EXOC2: variants seen among roughly 807,000 people sequenced by gnomAD.
The protein encoded by EXOC2 is SEC5-like 1.
EXOC2 carries 70 observed loss-of-function variants against 131.8 expected under a neutral mutation model. The observed-to-expected ratio is 0.53, with a 90% CI of 0.44 to 0.65. The LOEUF (loss-of-function observed/expected upper bound fraction) is 0.65. Among genes scored for constraint, EXOC2 ranks in the 30% least tolerant of loss-of-function variants. EXOC2 has a pLI of 0.00. For synonymous variants in EXOC2, 411 were observed against 398.4 expected, an observed-to-expected ratio of 1.03 and a Z score of -0.38; for missense variants, 923 against 1,108.6, an observed-to-expected ratio of 0.83 and a Z score of 2.38.
chr6:630,021 T>A (rs1164674271), intron 3 of EXOC2, 60 bp from the exon 4 acceptor site: 1 of 1,587,234 alleles, frequency 6.3e-7, no homozygotes, highest in African/African-American at 1.4e-5. Flanking sequence ...ACCTTCTACG[T>A]CTGGCCTATT....
At chr6:682,369 T>C (rs980872568) in intron 1 of EXOC2, among the ~76,000 whole-genome samples, 1 of 151,942 alleles carries the variant, frequency 6.6e-6, no homozygotes, top group African/African-American at 2.4e-5. Flanking sequence ...CCGGCTAATT[T>C]TTTTGTATTT....
intron 10 of EXOC2, among the ~76,000 whole-genome samples, chr6:597,809 A>C (rs1313933401): frequency 6.6e-6 from 1 of 152,228 alleles, no homozygotes; most frequent in African/African-American, 2.4e-5. Flanking sequence ...TTTCTCAAAA[A>C]GTGAGTAACT....
intron 22 of EXOC2, among the ~76,000 whole-genome samples, chr6:538,062 T>TA (rs751056312): frequency 2.0e-3 from 310 of 152,128 alleles, no homozygotes; most frequent in Non-Finnish European, 3.5e-3. Context: ...ACCTCATTTT[T>TA]TAAAAAAAGA....
intron 1 of EXOC2, among the ~76,000 whole-genome samples, chr6:668,155 C>T (rs1028190341): frequency 2.0e-5 from 3 of 148,870 alleles, no homozygotes; most frequent in African/African-American, 5.0e-5. Context: ...ATTTGTCTTG[C>T]TCCGTGTTCT....
intron 23 of EXOC2, among the ~76,000 whole-genome samples, chr6:522,566 T>G (rs545132344): frequency 7.4e-6 from 1 of 134,674 alleles, no homozygotes; most frequent in African/African-American, 2.9e-5. Context: ...CAGGCCCACG[T>G]GGACGACATG....
At chr6:555,088 A>T (rs1478788631) in intron 20 of EXOC2, 139 bp downstream of exon 20, 3 of 423,942 alleles carry the variant, frequency 7.1e-6, no homozygotes, top group East Asian at 3.7e-5. Context: ...GGTCGAATAT[A>T]AAAAAAAACT....
chr6:634,671 C>T (rs1181807856), intron 2 of EXOC2, among the ~76,000 whole-genome samples: 1 of 152,174 alleles, frequency 6.6e-6, no homozygotes, highest in African/African-American at 2.4e-5. Flanking sequence ...CTATAATTCA[C>T]TAATGTCTGC....
At chr6:610,307 A>T (rs2127663206) in intron 6 of EXOC2, 129 bp from the exon 7 acceptor site, 1 of 764,418 alleles carries the variant, frequency 1.3e-6, no homozygotes, top group Non-Finnish European at 2.2e-6. Flanking sequence ...CAGCAAAAAC[A>T]TGCTACCCTG....
chr6:654,008 C>T lies in EXOC2; in HGVS notation c.-43-16147G>A, dbSNP rs189672996. Reference sequence around the variant, plus strand: ...GAACAACAGAGCCTACATGACAGCACATCTGTTTACAGCATCTGGTTTAGT... The same window carrying T: ...GAACAACAGAGCCTACATGACAGCATATCTGTTTACAGCATCTGGTTTAGT... On this transcript the variant is annotated intron_variant, in intron 1 of 27. Transcript: ENST00000230449. Among the ~76,000 whole-genome samples the T allele has an allele frequency of 1.6e-4, 24 of 152,350 alleles. No homozygotes were observed. The East Asian group carries it at 4.2e-3, about 27-fold the overall frequency.
chr6:661,236 A>G (rs1763411842), intron 1 of EXOC2, among the ~76,000 whole-genome samples: 1 of 152,224 alleles, frequency 6.6e-6, no homozygotes, highest in African/African-American at 2.4e-5. Context: ...AATCATGGAA[A>G]ACTTCCCCAG....
intron 22 of EXOC2, 100 bp from the exon 23 acceptor site, chr6:532,710 T>G: frequency 6.1e-6 from 7 of 1,152,364 alleles, no homozygotes; most frequent in Non-Finnish European, 8.0e-6. Flanking sequence ...ATAAAAGCAC[T>G]TCTCAATTTT....
chr6:566,476 G>A (rs1359943573), intron 13 of EXOC2, among the ~76,000 whole-genome samples: 1 of 152,152 alleles, frequency 6.6e-6, no homozygotes, highest in Non-Finnish European at 1.5e-5. Context: ...GGAGGCATGC[G>A]CAGAGGGACC....
chr6:689,607 ATAC>A (rs1005774106), intron 1 of EXOC2, among the ~76,000 whole-genome samples: 5 of 152,210 alleles, frequency 3.3e-5, no homozygotes, highest in African/African-American at 9.7e-5. Context: ...CTTACACTCA[ATAC>A]TACAGAGTTT....
chr6:646,794 CAA>C (rs897389626), intron 1 of EXOC2, among the ~76,000 whole-genome samples: 2 of 152,084 alleles, frequency 1.3e-5, no homozygotes, highest in Non-Finnish European at 2.9e-5. Flanking sequence ...TAAACGCAGA[CAA>C]AAGTGTGGAA....
chr6:556,290 C>A (rs1433573085), intron 18 of EXOC2, among the ~76,000 whole-genome samples, 194 bp downstream of exon 18: 1 of 152,218 alleles, frequency 6.6e-6, no homozygotes, highest in African/African-American at 2.4e-5. Flanking sequence ...CCACCTACAA[C>A]ACCTGCACTC....
intron 10 of EXOC2, 61 bp from the exon 11 acceptor site, chr6:592,648 A>C: frequency 7.5e-7 from 1 of 1,330,518 alleles, no homozygotes; most frequent in Non-Finnish European, 1.1e-6. Flanking sequence ...TAAAATCATT[A>C]CTTTTTAAAG....
chr6:634,066 GTTTTCTT>G (rs1469533555), intron 2 of EXOC2, among the ~76,000 whole-genome samples: 1 of 79,258 alleles, frequency 1.3e-5, no homozygotes, highest in African/African-American at 4.0e-5. Context: ...GACACTTGAC[GTTTTCTT>G]TTTTTTTTTT....
Position 511,572 on chromosome 6 carries a change from C to T in EXOC2, c.2381-11872G>A, listed in dbSNP as rs141427871. ...TGGCCTTGCACCCTGTTGGGACTGA[C>T]GACATTGAAGTGTGAGGCCAAGAGA... On this transcript the variant is annotated intron_variant, in intron 23 of 27. Coordinates refer to ENST00000230449, the MANE Select transcript of EXOC2 (RefSeq NM_018303.6). 2.6e-5 allele frequency among the ~76,000 whole-genome samples: 4 copies of T among 152,304 alleles called. No homozygotes were observed. The East Asian group carries it at 7.7e-4, about 29-fold the overall frequency.
chr6:509,404 C>A (rs760163456), intron 23 of EXOC2, among the ~76,000 whole-genome samples: 1 of 152,200 alleles, frequency 6.6e-6, no homozygotes, highest in African/African-American at 2.4e-5. Context: ...AAAGGCCACA[C>A]AGAATTATAC....
Sources: gnomAD v4.1 joint callset for allele counts (sites outside exome capture counted in the v4.1 genomes callset) on GRCh38, gnomAD v4.1.1 for gene constraint, MANE v1.5 for transcripts, NCBI Gene and HGNC (gene_info 2026-07-23, HGNC 2026-07-21) for gene names.